PCDHA10: variants seen among roughly 807,000 people sequenced by gnomAD.
PCDHA10 encodes the protein protocadherin alpha-10.
A neutral mutation model predicts 61.2 loss-of-function variants in PCDHA10; 45 were observed. That is an observed-to-expected ratio of 0.74 (90% confidence interval 0.58 to 0.94). PCDHA10 has a LOEUF of 0.94. Among genes scored for constraint, PCDHA10 ranks in the 40% least tolerant of loss-of-function variants. The pLI, the probability that PCDHA10 is intolerant of heterozygous loss-of-function variation, is 0.00. For synonymous variants in PCDHA10, 602 were observed against 548.8 expected (o/e 1.10, Z -1.35); for missense variants, 1,278 against 1,236.2 (o/e 1.03, Z -0.51).
intron 1 of PCDHA10, among the ~76,000 whole-genome samples, chr5:140,878,322 T>C (rs2057540228): frequency 6.6e-6 from 1 of 152,228 alleles, no homozygotes; most frequent in Non-Finnish European, 1.5e-5. Context: ...CATTTTCACA[T>C]TATATTCCAG....
chr5:140,962,370 T>G (rs1554225991), intron 1 of PCDHA10, among the ~76,000 whole-genome samples: 1 of 152,214 alleles, frequency 6.6e-6, no homozygotes, highest in South Asian at 2.1e-4. Flanking sequence ...GCTAGTTTGA[T>G]TTTATCTGTT....
chr5:140,865,125 A>T (rs1581734540), intron 1 of PCDHA10: 1 of 152,310 alleles, frequency 6.6e-6, no homozygotes, highest in East Asian at 1.9e-4. Flanking sequence ...GGTGTTAATT[A>T]TACCTTAGAA....
At chr5:140,977,936 A>G (rs1444613652) in intron 1 of PCDHA10, among the ~76,000 whole-genome samples, 2 of 152,202 alleles carry the variant, frequency 1.3e-5, no homozygotes, top group African/African-American at 4.8e-5. Context: ...CTATACCTCA[A>G]TATTCAGTGA....
At chr5:140,946,629 T>TATATATATATATAC (rs1367833800) in intron 1 of PCDHA10, among the ~76,000 whole-genome samples, 1 of 123,274 alleles carries the variant, frequency 8.1e-6, no homozygotes, top group Admixed American at 8.1e-5. Flanking sequence ...TATATATATA[T>TATATATATATATAC]ATACAATGGA....
chr5:140,914,288 T>C (rs2076666061), intron 1 of PCDHA10, among the ~76,000 whole-genome samples: 1 of 152,210 alleles, frequency 6.6e-6, no homozygotes, highest in African/African-American at 2.4e-5. Flanking sequence ...ATAATTGTTA[T>C]ATCCTCTTGC....
At chr5:140,966,692 G>A in intron 1 of PCDHA10, 2 of 1,352,080 alleles carry the variant, frequency 1.5e-6, no homozygotes, top group East Asian at 2.9e-5. Context: ...CGGAGGCGGG[G>A]CCCGGGCGTG....
At chr5:140,914,297 G>A (rs1371976850) in intron 1 of PCDHA10, among the ~76,000 whole-genome samples, 2 of 152,056 alleles carry the variant, frequency 1.3e-5, no homozygotes, top group African/African-American at 4.8e-5. Flanking sequence ...ATATCCTCTT[G>A]CTGAATTGAC....
At chr5:140,887,461 T>C (rs2061460929) in intron 1 of PCDHA10, among the ~76,000 whole-genome samples, 1 of 152,226 alleles carries the variant, frequency 6.6e-6, no homozygotes, top group African/African-American at 2.4e-5. Flanking sequence ...TTTTAAAAGA[T>C]ATAATTCAGT....
At chr5:140,877,467 G>C (rs1554169776) in intron 1 of PCDHA10, 3 of 1,613,752 alleles carry the variant, frequency 1.9e-6, no homozygotes, top group African/African-American at 2.7e-5. Flanking sequence ...CGGCCACGGT[G>C]CTGGTGTCGC....
intron 1 of PCDHA10, among the ~76,000 whole-genome samples, chr5:140,888,270 GT>G (rs2061763105): frequency 6.6e-6 from 1 of 152,102 alleles, no homozygotes; most frequent in Non-Finnish European, 1.5e-5. Context: ...ATAAGAAACA[GT>G]TTTGTCCCCT....
chr5:140,940,983 C>G lies in PCDHA10; in HGVS notation c.2389-37966C>G, dbSNP rs572659107. On this transcript the variant is annotated intron_variant, in intron 1 of 3. Coordinates refer to ENST00000307360, the MANE Select transcript of PCDHA10 (RefSeq NM_018901.4). ...ATGCAGGATATCTGGTATCTAGTTA[C>G]AAGTTTATAGGATTAAATTTTCCTT... 3.9e-5 allele frequency among the ~76,000 whole-genome samples: 6 copies of G among 152,294 alleles called. No homozygotes were observed. In the South Asian group the frequency reaches 1.0e-3, roughly 26 times the overall value.
chr5:140,856,041 A>G lies in PCDHA10; in HGVS notation c.-8A>G. The G allele has an allele frequency of 6.4e-7, 1 of 1,569,530 alleles. No homozygotes were observed. The highest frequency in any genetic ancestry group is 8.7e-7 in the Non-Finnish European group (1 of 1,151,640). ...ATTCGTCGATTTGTAAAACAAGAGA[A>G]GGATAAGATGGTTTCCAGATGTAGC... On this transcript the variant is annotated 5_prime_UTR_variant, in exon 1 of 4. Coordinates refer to ENST00000307360, the MANE Select transcript of PCDHA10 (RefSeq NM_018901.4).
At chr5:140,965,864 G>A (rs553582487) in intron 1 of PCDHA10, among the ~76,000 whole-genome samples, 1 of 152,254 alleles carries the variant, frequency 6.6e-6, no homozygotes, top group East Asian at 1.9e-4. Flanking sequence ...CTGAAAATAA[G>A]GGCCACTTGG....
intron 1 of PCDHA10, among the ~76,000 whole-genome samples, chr5:140,919,430 T>C (rs935963449): frequency 1.3e-5 from 2 of 152,196 alleles, no homozygotes; most frequent in Non-Finnish European, 2.9e-5. Flanking sequence ...TGCCTTTTGA[T>C]TGGGTTCTTT....
intron 1 of PCDHA10, chr5:140,875,857 A>C: frequency 6.2e-7 from 1 of 1,614,124 alleles, no homozygotes; most frequent in Non-Finnish European, 8.5e-7. Context: ...CATTAACGAC[A>C]ACCCGCCGGT....
chr5:140,882,651 A>T, intron 1 of PCDHA10: 1 of 1,614,206 alleles, frequency 6.2e-7, no homozygotes, highest in Non-Finnish European at 8.5e-7. Context: ...GACATTAACG[A>T]CAACCCGCCC....
rs1290626143 is a variant in PCDHA10 at position 141,010,228 on chromosome 5, C to G, written c.*291C>G. On this transcript the variant is annotated 3_prime_UTR_variant, in exon 4 of 4. Transcript: ENST00000307360. ...CCGCAAAGGAGAGGCTTCCCAGCCC[C>G]GCCAGTGAGAGGTTGGACTCTCTGC... The G allele has an allele frequency of 1.1e-5, 17 of 1,551,916 alleles. No individual in the cohort carries two copies. Among genetic ancestry groups the G allele is most frequent in the Non-Finnish European group, 1.5e-5 (17 of 1,147,054 alleles).
intron 1 of PCDHA10, among the ~76,000 whole-genome samples, chr5:140,933,130 A>G (rs2088870055): frequency 6.6e-6 from 1 of 151,994 alleles, no homozygotes; most frequent in Non-Finnish European, 1.5e-5. Context: ...CTAAATAATA[A>G]AGGTAGATAG....
chr5:140,954,750 T>C (rs1045434392), intron 1 of PCDHA10, among the ~76,000 whole-genome samples: 7 of 152,228 alleles, frequency 4.6e-5, no homozygotes, highest in Non-Finnish European at 2.9e-5. Flanking sequence ...TAGTTTCTTT[T>C]GCTGTGCAGA....
Sources: gnomAD v4.1 joint callset for allele counts (sites outside exome capture counted in the v4.1 genomes callset) on GRCh38, gnomAD v4.1.1 for gene constraint, MANE v1.5 for transcripts, NCBI Gene and HGNC (gene_info 2026-07-23, HGNC 2026-07-21) for gene names.